NRG4: variants seen among roughly 807,000 people sequenced by gnomAD.
NRG4 encodes pro-neuregulin-4, membrane-bound isoform.
A neutral mutation model predicts 15.0 loss-of-function variants in NRG4; 10 were observed. The ratio of observed to expected loss-of-function variants is 0.67; its 90% CI spans 0.41 to 1.13. NRG4 has a LOEUF of 1.13. Among genes scored for constraint, NRG4 ranks in the 50% most tolerant of loss-of-function variants. The pLI is 0.00. For missense variants in NRG4, 139 were observed against 140.2 expected (o/e 0.99, Z 0.04); for synonymous variants, 41 against 50.1 (o/e 0.82, Z 0.77).
downstream of NRG4, chr15:75,936,984 A>G (rs1444775582): frequency 1.3e-5 from 2 of 152,226 alleles, no homozygotes; most frequent in Non-Finnish European, 2.9e-5. Flanking sequence ...AAGAAAATAT[A>G]TTTATTAATG....
chr15:76,030,443 G>A lies in NRG4; in HGVS notation c.-57+5501C>T, dbSNP rs143251770. On this transcript the variant is annotated intron_variant, in intron 5 of 8. Coordinates refer to the NRG4 transcript ENST00000563910. Reference sequence around the variant, plus strand: ...GAATTAAAGAACCTATGCTTCTACAGCCACCTGATTTTTCACAAAGGCATC... The same window carrying A: ...GAATTAAAGAACCTATGCTTCTACAACCACCTGATTTTTCACAAAGGCATC... Among the ~76,000 whole-genome samples, 211 of 152,172 alleles carry A rather than the reference G, an allele frequency of 1.4e-3. 6 individuals are homozygous for A. In the East Asian group the frequency reaches 0.035, roughly 25 times the overall value.
chr15:75,945,466 G>A (rs2031444892), intron 5 of NRG4, among the ~76,000 whole-genome samples: 1 of 151,962 alleles, frequency 6.6e-6, no homozygotes, highest in African/African-American at 2.4e-5. Context: ...GGCCAGGCTG[G>A]TCTCGAACTC....
Position 76,050,157 on chromosome 15 carries a change from C to T in NRG4, c.-105+1910G>A, listed in dbSNP as rs567254070. On this transcript the variant is annotated intron_variant, in intron 4 of 8. Coordinates refer to the NRG4 transcript ENST00000563910. ...GTCTGCGTTTCAAAGTAAACCATAG[C>T]ATCATAAGGTTAGAAGACCTAATGA... 2.6e-4 allele frequency among the ~76,000 whole-genome samples: 39 copies of T among 150,898 alleles called. 1 individual carries two copies. Among genetic ancestry groups the T allele is most frequent in the Admixed American group, 1.7e-3 (26 of 15,220 alleles).
chr15:75,988,014 G>A (rs2033860517), intron 3 of NRG4, among the ~76,000 whole-genome samples: 1 of 152,126 alleles, frequency 6.6e-6, no homozygotes, highest in African/African-American at 2.4e-5. Flanking sequence ...CCACTACCAA[G>A]AAGTTTCAGA....
At chr15:75,947,121 A>G (rs2031576472) in intron 5 of NRG4, among the ~76,000 whole-genome samples, 1 of 152,194 alleles carries the variant, frequency 6.6e-6, no homozygotes, top group African/African-American at 2.4e-5. Flanking sequence ...AAGCAAAGCT[A>G]TCTCCAGTAG....
intron 4 of NRG4, among the ~76,000 whole-genome samples, chr15:76,042,793 C>T (rs2035775515): frequency 6.6e-6 from 1 of 152,010 alleles, no homozygotes; most frequent in East Asian, 1.9e-4. Context: ...GGGAATAGTT[C>T]CAAGCTCATT....
At chr15:75,995,249 G>T (rs1014922526) in intron 3 of NRG4, among the ~76,000 whole-genome samples, 15 of 152,040 alleles carry the variant, frequency 9.9e-5, no homozygotes, top group Non-Finnish European at 4.4e-5. Flanking sequence ...CTTGGCTCAT[G>T]CTTCTGGAGG....
At chr15:76,031,439 G>C (rs758636274) in intron 5 of NRG4, among the ~76,000 whole-genome samples, 25 of 152,198 alleles carry the variant, frequency 1.6e-4, no homozygotes, top group Admixed American at 3.3e-4. Flanking sequence ...TATAATCCCA[G>C]CAGTTTGGGA....
At chr15:76,056,732 A>C (rs2036161082) in intron 2 of NRG4, among the ~76,000 whole-genome samples, 1 of 152,226 alleles carries the variant, frequency 6.6e-6, no homozygotes, top group Admixed American at 6.5e-5. Context: ...CACAAATCAC[A>C]TGGCATCAGA....
At position 76,044,766 on chromosome 15, in the gene NRG4, A is replaced by G. The variant is rs1257524806; in HGVS notation, c.-105+7301T>C. The stretch of plus-strand genomic sequence containing the variant: ...TGAGGCAGGAGAATGGCATGAACCT[A>G]GAAGACGGAGCTTGTAGTGAGCCGA... On this transcript the variant is annotated intron_variant, in intron 4 of 8. Transcript: ENST00000563910. 3.4e-5 allele frequency among the ~76,000 whole-genome samples: 5 copies of G among 149,050 alleles called. 1 individual carries two copies. Among genetic ancestry groups the G allele is most frequent in the African/African-American group, 1.0e-4 (4 of 39,436 alleles).
At chr15:75,999,646 T>A (rs1323322290) in intron 3 of NRG4, among the ~76,000 whole-genome samples, 4 of 152,114 alleles carry the variant, frequency 2.6e-5, no homozygotes. Flanking sequence ...CTATAAATTA[T>A]CCAGTCTCAA....
At chr15:76,027,361 A>G (rs559943133) in intron 5 of NRG4, among the ~76,000 whole-genome samples, 3 of 152,226 alleles carry the variant, frequency 2.0e-5, no homozygotes, top group Admixed American at 6.5e-5. Flanking sequence ...TCCATTCAGC[A>G]AGAGAATATA....
At chr15:75,982,813 A>G (rs1213216990) in intron 3 of NRG4, among the ~76,000 whole-genome samples, 3 of 152,232 alleles carry the variant, frequency 2.0e-5, no homozygotes, top group African/African-American at 7.2e-5. Flanking sequence ...AGCATGAGCC[A>G]AAGAGGGGAT....
chr15:76,018,084 A>G (rs2035041298), intron 5 of NRG4, among the ~76,000 whole-genome samples: 1 of 151,702 alleles, frequency 6.6e-6, no homozygotes, highest in Non-Finnish European at 1.5e-5. Flanking sequence ...TTGATCTTCA[A>G]TCTCTGATAT....
intron 3 of NRG4, among the ~76,000 whole-genome samples, chr15:75,974,986 A>C (rs2141839822): frequency 6.6e-6 from 1 of 152,234 alleles, no homozygotes; most frequent in Non-Finnish European, 1.5e-5. Flanking sequence ...TGGGAGTCTA[A>C]GTCTTTTTGT....
intron 5 of NRG4, among the ~76,000 whole-genome samples, chr15:76,023,646 G>A (rs1268132564): frequency 6.6e-6 from 1 of 152,126 alleles, no homozygotes; most frequent in Non-Finnish European, 1.5e-5. Flanking sequence ...AGCCACCTCT[G>A]GAATGCATCC....
At chr15:76,055,898 C>T (rs1382152921) in intron 2 of NRG4, among the ~76,000 whole-genome samples, 2 of 152,166 alleles carry the variant, frequency 1.3e-5, no homozygotes, top group East Asian at 3.9e-4. Flanking sequence ...TTGTCCATAC[C>T]CAAGATCTAC....
At chr15:75,971,369 A>C (rs2141832969) in intron 3 of NRG4, 1 of 288,608 alleles carries the variant, frequency 3.5e-6, no homozygotes, top group Admixed American at 4.8e-5. Context: ...CTTAAAAAAA[A>C]ATTTGTCTAT....
At chr15:75,937,801 A>G (rs2030525429), downstream of NRG4, 1 of 152,242 alleles carries the variant, frequency 6.6e-6, no homozygotes, top group African/African-American at 2.4e-5. Flanking sequence ...AAGGACTGAC[A>G]CAAGGTCACA....
Sources: gnomAD v4.1 joint callset for allele counts (sites outside exome capture counted in the v4.1 genomes callset) on GRCh38, gnomAD v4.1.1 for gene constraint, MANE v1.5 for transcripts, NCBI Gene and HGNC (gene_info 2026-07-23, HGNC 2026-07-21) for gene names.